The following LDAH variants were observed in gnomAD, a reference collection of about 807,000 sequenced individuals.
LDAH encodes lipid droplet-associated hydrolase.
LDAH carries 26 observed loss-of-function variants against 29.6 expected under a neutral mutation model. That is an observed-to-expected ratio of 0.88 (90% CI 0.64 to 1.22). The LOEUF (loss-of-function observed/expected upper bound fraction) is 1.22, where lower values mean the gene tolerates loss of function less well. Ranked by LOEUF, LDAH falls within the 50% of genes most tolerant of loss-of-function variation. The pLI is 0.00. For synonymous variants in LDAH, 117 were observed against 133.0 expected, an observed-to-expected ratio of 0.88 and a Z score of 0.83; for missense variants, 344 against 387.3, an observed-to-expected ratio of 0.89 and a Z score of 0.94.
chr2:20,782,440 T>C (rs1430886061), intron 3 of LDAH, among the ~76,000 whole-genome samples: 1 of 152,236 alleles, frequency 6.6e-6, no homozygotes. Context: ...GCTGGTATTC[T>C]ATTGAGAATT....
intron 4 of LDAH, among the ~76,000 whole-genome samples, chr2:20,745,005 C>T (rs1277283415): frequency 6.6e-6 from 1 of 151,982 alleles, no homozygotes; most frequent in South Asian, 2.1e-4. Context: ...ATCCTGGGTC[C>T]GATAAGAATT....
chr2:20,715,375 G>A (rs1375760584), intron 5 of LDAH, among the ~76,000 whole-genome samples: 8 of 152,146 alleles, frequency 5.3e-5, no homozygotes, highest in East Asian at 3.9e-4. Flanking sequence ...TTGATGGAAC[G>A]TATCTGAAAA....
chr2:20,718,002 G>A (rs1444118026), intron 5 of LDAH, among the ~76,000 whole-genome samples: 1 of 152,108 alleles, frequency 6.6e-6, no homozygotes, highest in East Asian at 1.9e-4. Context: ...AAGCACTATA[G>A]TAACCCAAAG....
chr2:20,687,597 A>T (rs376803757), intron 6 of LDAH, among the ~76,000 whole-genome samples: 11 of 152,242 alleles, frequency 7.2e-5, no homozygotes, highest in African/African-American at 2.7e-4. Context: ...GAATCCTGAG[A>T]GAGTTTATGA....
At chr2:20,699,418 T>C (rs1216897658) in intron 6 of LDAH, among the ~76,000 whole-genome samples, 5 of 152,180 alleles carry the variant, frequency 3.3e-5, no homozygotes, top group Admixed American at 2.6e-4. Context: ...CTGGGACATA[T>C]GTTGATTCAA....
chr2:20,762,766 T>C (rs1190976941), intron 4 of LDAH, among the ~76,000 whole-genome samples: 2 of 152,232 alleles, frequency 1.3e-5, no homozygotes, highest in Admixed American at 6.5e-5. Context: ...AAATTATTTA[T>C]TGTAAGAAAT....
At chr2:20,750,113 C>A (rs1175600227) in intron 4 of LDAH, among the ~76,000 whole-genome samples, 1 of 151,450 alleles carries the variant, frequency 6.6e-6, no homozygotes, top group Non-Finnish European at 1.5e-5. Flanking sequence ...GCAACCACCA[C>A]CTCCTGGGTT....
At chr2:20,776,531 T>C (rs905604474) in intron 3 of LDAH, among the ~76,000 whole-genome samples, 1 of 152,180 alleles carries the variant, frequency 6.6e-6, no homozygotes, top group Non-Finnish European at 1.5e-5. Flanking sequence ...TCCATAGTAC[T>C]ATTAATCTCC....
chr2:20,789,349 C>T (rs1369004721), intron 3 of LDAH: 28 of 1,519,516 alleles, frequency 1.8e-5, no homozygotes, highest in East Asian at 2.5e-5. Flanking sequence ...ACCTGTGAAT[C>T]GGGAAGTAGG....
chr2:20,723,075 G>C (rs1279971240), intron 5 of LDAH, among the ~76,000 whole-genome samples: 2 of 152,100 alleles, frequency 1.3e-5, no homozygotes, highest in Non-Finnish European at 2.9e-5. Context: ...ATTTTTAGTA[G>C]TACCACATTG....
chr2:20,788,817 C>A, intron 3 of LDAH: 1 of 259,146 alleles, frequency 3.9e-6, no homozygotes, highest in Non-Finnish European at 7.5e-6. Context: ...ATATGCTGTA[C>A]TTTTATAAAG....
chr2:20,710,163 A>G (rs558165267), intron 5 of LDAH, among the ~76,000 whole-genome samples: 4 of 152,302 alleles, frequency 2.6e-5, no homozygotes, highest in South Asian at 4.1e-4. Flanking sequence ...AATCAAATTG[A>G]TAAGTGTTTA....
chr2:20,709,714 T>C (rs144774427), intron 5 of LDAH, among the ~76,000 whole-genome samples: 2 of 152,288 alleles, frequency 1.3e-5, no homozygotes, highest in African/African-American at 4.8e-5. Context: ...TACAGCAATA[T>C]TATTCATAAT....
At chr2:20,798,460 A>C (rs1010233407) in intron 2 of LDAH, among the ~76,000 whole-genome samples, 4 of 152,090 alleles carry the variant, frequency 2.6e-5, no homozygotes, top group Non-Finnish European at 5.9e-5. Context: ...CAAAAAACTA[A>C]GCAAAAAGAT....
At chr2:20,809,235 C>CAAAAAAAAAA (rs56974629) in intron 1 of LDAH, among the ~76,000 whole-genome samples, 3 of 133,958 alleles carry the variant, frequency 2.2e-5, no homozygotes, top group African/African-American at 8.6e-5. Flanking sequence ...ACTAGAAATA[C>CAAAAAAAAAA]AAAAAAAAAA....
At chr2:20,769,532 C>A (rs776867077) in intron 4 of LDAH, among the ~76,000 whole-genome samples, 1 of 152,174 alleles carries the variant, frequency 6.6e-6, no homozygotes, top group African/African-American at 2.4e-5. Context: ...TGTAAGTAAA[C>A]CACAGTCTCA....
intron 4 of LDAH, among the ~76,000 whole-genome samples, chr2:20,755,853 A>T (rs1252233239): frequency 3.3e-5 from 5 of 152,186 alleles, no homozygotes; most frequent in Non-Finnish European, 5.9e-5. Context: ...TGTGTGTTAG[A>T]TAAGTGGTTT....
intron 1 of LDAH, among the ~76,000 whole-genome samples, chr2:20,816,448 CTACTTTTTTTAAG>C (rs1672855227): frequency 6.6e-6 from 1 of 151,966 alleles, no homozygotes; most frequent in Non-Finnish European, 1.5e-5. Context: ...GCCATACTAA[CTACTTTTTTTAAG>C]TAGTGATGGC....
At position 20,685,637 on chromosome 2, in the gene LDAH, T is replaced by C. The variant is rs777389985; in HGVS notation, c.*1266A>G. The C allele has an allele frequency of 1.9e-6, 3 of 1,550,400 alleles. No individual in the cohort carries two copies. The highest frequency in any genetic ancestry group is 2.4e-5 in the South Asian group (2 of 84,030). ...ACATCTCATTGTCCTTAGGGAATGATAATGCCATGAGGGATTTCCTCTAGG... is the reference window on the plus strand; with the variant it reads ...ACATCTCATTGTCCTTAGGGAATGACAATGCCATGAGGGATTTCCTCTAGG... On this transcript the variant is annotated 3_prime_UTR_variant, in exon 7 of 7. Transcript: ENST00000237822.
Sources: gnomAD v4.1 joint callset for allele counts (sites outside exome capture counted in the v4.1 genomes callset) on GRCh38, gnomAD v4.1.1 for gene constraint, MANE v1.5 for transcripts, NCBI Gene and HGNC (gene_info 2026-07-23, HGNC 2026-07-21) for gene names.